Variants in CSMD3 observed in about 807,000 individuals in gnomAD.
CSMD3 encodes the protein CUB and sushi domain-containing protein 3.
Under a neutral mutation model 435.2 loss-of-function variants are expected in CSMD3, and 177 were observed. The ratio of observed to expected loss-of-function variants is 0.41; its 90% CI spans 0.36 to 0.46. The LOEUF is 0.46. CSMD3 is among the 20% of genes least tolerant of loss of function. The probability of loss-of-function intolerance (pLI) is 0.34; values close to 1 mark genes in which losing one functional copy is unlikely to be tolerated. For missense variants in CSMD3, 4,265 were observed against 4,504.6 expected, an observed-to-expected ratio of 0.95 and a Z score of 1.52; for synonymous variants, 1,656 against 1,520.5, an observed-to-expected ratio of 1.09 and a Z score of -2.07.
At chr8:113,112,386 C>CATATAT (rs56256676) in intron 4 of CSMD3, among the ~76,000 whole-genome samples, 5 of 74,948 alleles carry the variant, frequency 6.7e-5, no homozygotes, top group Non-Finnish European at 1.2e-4. Context: ...CCCAATAAAA[C>CATATAT]ATATATATAT....
At chr8:113,236,626 T>C (rs2093153498) in intron 3 of CSMD3, among the ~76,000 whole-genome samples, 1 of 152,090 alleles carries the variant, frequency 6.6e-6, no homozygotes, top group African/African-American at 2.4e-5. Flanking sequence ...CTAGGGGCTC[T>C]CCAGGTTCTC....
chr8:112,831,225 T>G (rs897273272), intron 11 of CSMD3, among the ~76,000 whole-genome samples: 3 of 152,120 alleles, frequency 2.0e-5, no homozygotes, highest in Non-Finnish European at 4.4e-5. Flanking sequence ...GATCATAATT[T>G]AAAAAATATG....
At chr8:113,298,324 T>G (rs2093737607) in intron 2 of CSMD3, among the ~76,000 whole-genome samples, 1 of 152,136 alleles carries the variant, frequency 6.6e-6, no homozygotes, top group African/African-American at 2.4e-5. Flanking sequence ...ATAAGGTTTT[T>G]TTTCTAAAAT....
In CSMD3 at chr8:112,305,980, G is replaced by A. The variant is rs1157894247; in HGVS notation, c.8071+27C>T. 1.9e-6 allele frequency: 3 copies of A among 1,583,608 alleles called. No homozygotes were observed. In the African/African-American group the frequency reaches 4.0e-5, roughly 21 times the overall value. The stretch of plus-strand genomic sequence containing the variant: ...ATATAAAATACCAAGAGAAAAACAA[G>A]TGATGAAATTCCCTTGACACACATA... On this transcript the variant is annotated intron_variant, in intron 51 of 70. Coordinates refer to ENST00000297405, the MANE Select transcript of CSMD3 (RefSeq NM_198123.2).
At position 112,587,703 on chromosome 8, in the gene CSMD3, CA is replaced by C. The variant is rs369823655; in HGVS notation, c.3716-469del. 6.8e-3 allele frequency among the ~76,000 whole-genome samples: 1,026 copies of C among 151,778 alleles called. 12 individuals carry two copies. Among genetic ancestry groups the C allele is most frequent in the African/African-American group, 0.023 (966 of 41,434 alleles). On this transcript the variant is annotated intron_variant, in intron 22 of 70. Transcript: ENST00000297405. ...CCTAATACTCAGTATTCCGCTGACA[CA>C]AGAATTTCAATAATAAAAAGGGAAT...
chr8:112,607,957 C>A (rs529087592), intron 22 of CSMD3, among the ~76,000 whole-genome samples: 5 of 151,962 alleles, frequency 3.3e-5, no homozygotes, highest in Non-Finnish European at 1.5e-5. Context: ...CTAGCCAGAG[C>A]AACTAGGAAA....
intron 13 of CSMD3, among the ~76,000 whole-genome samples, chr8:112,743,455 C>A (rs1268954164): frequency 6.6e-6 from 1 of 151,708 alleles, no homozygotes; most frequent in South Asian, 2.1e-4. Context: ...TTCTAAATAA[C>A]GCTATGGATT....
At chr8:112,578,534 T>A (rs1830113392) in intron 23 of CSMD3, among the ~76,000 whole-genome samples, 1 of 151,864 alleles carries the variant, frequency 6.6e-6, no homozygotes, top group African/African-American at 2.4e-5. Flanking sequence ...CAAGCAGAAT[T>A]GGCAGATATG....
At chr8:113,269,836 GT>G (rs1215929704) in intron 3 of CSMD3, among the ~76,000 whole-genome samples, 1 of 151,784 alleles carries the variant, frequency 6.6e-6, no homozygotes, top group African/African-American at 2.4e-5. Context: ...AGACTTAAAT[GT>G]TAGACCTAAA....
At chr8:113,250,773 A>G (rs2093327700) in intron 3 of CSMD3, among the ~76,000 whole-genome samples, 1 of 152,140 alleles carries the variant, frequency 6.6e-6, no homozygotes, top group Admixed American at 6.6e-5. Flanking sequence ...CTCAAATATT[A>G]CAGAATTTAA....
At chr8:112,460,536 TTA>T (rs1314789656) in intron 32 of CSMD3, among the ~76,000 whole-genome samples, 1 of 146,196 alleles carries the variant, frequency 6.8e-6, no homozygotes, top group Non-Finnish European at 1.5e-5. Flanking sequence ...CATGGATTTT[TTA>T]GTTCACCACT....
chr8:112,513,571 G>C (rs1212916588), intron 28 of CSMD3, among the ~76,000 whole-genome samples: 1 of 152,094 alleles, frequency 6.6e-6, no homozygotes, highest in Non-Finnish European at 1.5e-5. Context: ...CAATGAAAAA[G>C]TTTGAAATAT....
At chr8:112,991,377 T>C (rs1249850819) in intron 6 of CSMD3, among the ~76,000 whole-genome samples, 1 of 151,724 alleles carries the variant, frequency 6.6e-6, no homozygotes, top group Non-Finnish European at 1.5e-5. Flanking sequence ...GATCCCCCAT[T>C]TATGCTGTGT....
At chr8:112,245,647 C>A (rs900990582) in intron 64 of CSMD3, among the ~76,000 whole-genome samples, 1 of 152,128 alleles carries the variant, frequency 6.6e-6, no homozygotes. Context: ...AAGCGATTCT[C>A]CTGCCTCAGA....
chr8:112,764,644 TA>T (rs541404164), intron 13 of CSMD3, among the ~76,000 whole-genome samples: 131 of 151,768 alleles, frequency 8.6e-4, no homozygotes, highest in African/African-American at 3.1e-3. Context: ...GAGTTTTTAT[TA>T]TATTGTTAAA....
At chr8:112,922,380 C>A (rs2082771074) in intron 9 of CSMD3, among the ~76,000 whole-genome samples, 1 of 151,878 alleles carries the variant, frequency 6.6e-6, no homozygotes, top group South Asian at 2.1e-4. Context: ...CCATTACATT[C>A]TTTTGGTTAT....
At chr8:113,288,826 A>T (rs2093664246) in intron 2 of CSMD3, among the ~76,000 whole-genome samples, 1 of 151,870 alleles carries the variant, frequency 6.6e-6, no homozygotes, top group Non-Finnish European at 1.5e-5. Flanking sequence ...TTTATTCCAA[A>T]AAACTAGGGA....
chr8:112,320,507 T>C (rs1004010933), intron 45 of CSMD3, among the ~76,000 whole-genome samples: 6 of 151,662 alleles, frequency 4.0e-5, no homozygotes, highest in Admixed American at 3.9e-4. Flanking sequence ...TTTTTTTTTA[T>C]ACTTTAAGTT....
intron 7 of CSMD3, among the ~76,000 whole-genome samples, chr8:112,973,078 C>T (rs749012711): frequency 1.3e-5 from 2 of 151,796 alleles, no homozygotes; most frequent in Non-Finnish European, 2.9e-5. Flanking sequence ...GAGTTACATG[C>T]GATGAATTTG....
Sources: gnomAD v4.1 joint callset for allele counts (sites outside exome capture counted in the v4.1 genomes callset) on GRCh38, gnomAD v4.1.1 for gene constraint, MANE v1.5 for transcripts, NCBI Gene and HGNC (gene_info 2026-07-23, HGNC 2026-07-21) for gene names.